The following CDCA7 variants were observed in gnomAD, a reference collection of about 807,000 sequenced individuals.
CDCA7 encodes cell division cycle-associated protein 7.
A neutral mutation model predicts 54.0 loss-of-function variants in CDCA7; 28 were observed. The ratio of observed to expected loss-of-function variants is 0.52; its 90% CI spans 0.38 to 0.71. CDCA7 has a LOEUF of 0.71. CDCA7 is among the 30% of genes least tolerant of loss of function. The probability of loss-of-function intolerance (pLI) is 0.00; values close to 1 mark genes in which losing one functional copy is unlikely to be tolerated. For missense variants in CDCA7, 484 were observed against 586.0 expected, an observed-to-expected ratio of 0.83 and a Z score of 1.80; for synonymous variants, 180 against 208.2, an observed-to-expected ratio of 0.86 and a Z score of 1.16.
Position 173,367,688 on chromosome 2 carries a change from C to A in CDCA7, c.*24C>A. On this transcript the variant is annotated 3_prime_UTR_variant, in exon 10 of 10. Coordinates refer to ENST00000306721, the MANE Select transcript of CDCA7 (RefSeq NM_031942.5). ...AATATCTGGAAAATTTGCTGCCTGC[C>A]TTCTACTTCTCAAATCTTTCTTGTA... is the stretch of plus-strand genomic sequence containing the variant. 6.2e-7 allele frequency: 1 copy of A among 1,613,258 alleles called. No homozygotes were observed.
At chr2:173,358,947 C>A in intron 2 of CDCA7, 110 bp downstream of exon 2, 1 of 1,388,988 alleles carries the variant, frequency 7.2e-7, no homozygotes, top group Non-Finnish European at 9.8e-7. Context: ...TCTATACAGC[C>A]GTTATGAAAA....
rs113853825 is a variant in CDCA7 at position 173,366,578 on chromosome 2, C to T, written c.1185+146C>T. ...TTTTTAAGATGGAGTCTCATTCTGTCGCCAGGCTGCAGTGCAGTGGCGCGA... is the reference window on the plus strand; with the variant it reads ...TTTTTAAGATGGAGTCTCATTCTGTTGCCAGGCTGCAGTGCAGTGGCGCGA... On this transcript the variant is annotated intron_variant, in intron 8 of 9. Coordinates refer to ENST00000306721, the MANE Select transcript of CDCA7 (RefSeq NM_031942.5). This position sits in a 1 kb window ranked among gnomAD's most constrained non-coding sequence, Gnocchi z 4.5. 1.3e-4 allele frequency: 142 copies of T among 1,123,700 alleles called. No individual in the cohort carries two copies. Among genetic ancestry groups the T allele is most frequent in the East Asian group, 2.0e-4 (8 of 39,354 alleles). 69.6% of individuals were successfully genotyped at this position (1,123,700 alleles called of 1,614,324 possible).
chr2:173,364,856 G>A lies in CDCA7; in HGVS notation c.761G>A (p.Arg254Gln), dbSNP rs200556185. Residue 254 changes from arginine to glutamine, a missense_variant, in exon 6 of 10, where the codon CGG becomes CAG. Physicochemically the swap from Arg to Gln is conservative, Grantham distance 43. Transcript: ENST00000306721. Reference sequence around the variant, plus strand: ...GTTGCTTCCAGGAGAAACCCTGAACGGAGAGCTCGTCCTCTTACCAGGTCA... The same window carrying A: ...GTTGCTTCCAGGAGAAACCCTGAACAGAGAGCTCGTCCTCTTACCAGGTCA... ...PGVASRRNPE[R>Q]RARPLTRSRS... 9.9e-6 allele frequency: 16 copies of A among 1,611,242 alleles called. No homozygotes were observed. In the African/African-American group the frequency reaches 1.2e-4, roughly 12 times the overall value.
chr2:173,366,288 T>A lies in CDCA7; in HGVS notation c.1041T>A (p.Ser347=). 1 of 1,612,746 alleles carries A rather than the reference T, an allele frequency of 6.2e-7. No individual in the cohort carries two copies. Among genetic ancestry groups the A allele is most frequent in the Non-Finnish European group, 8.5e-7 (1 of 1,179,410 alleles). ...REKIYNRSLG[S]TCHQCRQKTI... ...TCTTAATGGCTTATTTGTAGGGCTC[T>A]ACTTGTCATCAATGCCGTCAGAAGA... Residue 347 remains serine, a synonymous_variant, in exon 8 of 10, where the codon TCT becomes TCA. Coordinates refer to ENST00000306721, the MANE Select transcript of CDCA7 (RefSeq NM_031942.5). This position sits in a 1 kb window ranked among gnomAD's most constrained non-coding sequence, Gnocchi z 4.5.
chr2:173,367,519 G>T lies in CDCA7; in HGVS notation c.1323-115G>T. 3 of 1,378,420 alleles carry T rather than the reference G, an allele frequency of 2.2e-6. No individual in the cohort carries two copies. In the South Asian group the frequency reaches 3.5e-5, roughly 16 times the overall value. The allele number at this position is 1,378,420 out of a possible 1,614,324, so 85.4% of individuals were successfully genotyped here. ...AATATACTTGAAGATGCGCACACTTGACCATAGTGATGTTATAACTCAATA... is the reference window on the plus strand; with the variant it reads ...AATATACTTGAAGATGCGCACACTTTACCATAGTGATGTTATAACTCAATA... On this transcript the variant is annotated intron_variant, in intron 9 of 9. Coordinates refer to ENST00000306721, the MANE Select transcript of CDCA7 (RefSeq NM_031942.5).
At chr2:173,364,710 C>T in intron 5 of CDCA7, 85 bp from the exon 6 acceptor site, 5 of 1,514,492 alleles carry the variant, frequency 3.3e-6, no homozygotes, top group African/African-American at 1.4e-5. Context: ...CTTAAAACAT[C>T]CTTAAGGAGA....
Position 173,366,362 on chromosome 2 carries a change from G to C in CDCA7, c.1115G>C (p.Arg372Pro), listed in dbSNP as rs1321106398. ...NCRNPDCWGV[R>P]GQFCGPCLRN... ...AGAAACCCAGACTGCTGGGGCGTTC[G>C]AGGCCAGTTCTGTGGCCCCTGCCTT... The change falls in exon 8 of 10, where the codon CGA becomes CCA. Residue 372 changes from arginine (R) to proline (P), a missense_variant. By Grantham distance (103) the Arg-to-Pro change is moderately radical. Coordinates refer to ENST00000306721, the MANE Select transcript of CDCA7 (RefSeq NM_031942.5). The surrounding 1 kb of genome is among the most constrained non-coding windows in gnomAD (Gnocchi z 4.5). The C allele has an allele frequency of 6.2e-7, 1 of 1,613,948 alleles. No homozygotes were observed. The highest frequency in any genetic ancestry group is 8.5e-7 in the Non-Finnish European group (1 of 1,180,034).
rs543357612 is a variant in CDCA7, at chr2:173,367,981, A to G, written c.*317A>G. ...TTACAGTTTTATGAAAGCATATTTTATTTACTTGGTGTTGAAATAGCCCTC... is the reference window on the plus strand; with the variant it reads ...TTACAGTTTTATGAAAGCATATTTTGTTTACTTGGTGTTGAAATAGCCCTC... On this transcript the variant is annotated 3_prime_UTR_variant, in exon 10 of 10. Transcript: ENST00000306721. The G allele has an allele frequency of 2.5e-6, 1 of 398,498 alleles. No homozygotes were observed. The highest frequency in any genetic ancestry group is 3.9e-5 in the South Asian group (1 of 25,752). 24.7% of individuals were successfully genotyped at this position (398,498 alleles called of 1,614,324 possible). A position where few individuals can be genotyped will look rare whatever the true frequency, so the allele number is the denominator to read the frequency against.
chr2:173,365,052 C>A, intron 6 of CDCA7, 63 bp downstream of exon 6: 4 of 1,499,374 alleles, frequency 2.7e-6, no homozygotes, highest in African/African-American at 1.4e-5. Context: ...TGGCATCATA[C>A]ACAGCACAGG....
At position 173,368,708 on chromosome 2, in the gene CDCA7, T is replaced by A. The variant is rs1451880401; in HGVS notation, c.*1044T>A. 1 of 152,210 alleles carries A rather than the reference T, an allele frequency of 6.6e-6. No homozygotes were observed. Among genetic ancestry groups the A allele is most frequent in the Non-Finnish European group, 1.5e-5 (1 of 68,038 alleles). The allele number at this position is 152,210 out of a possible 1,614,324, so 9.4% of individuals were successfully genotyped here. A position where few individuals can be genotyped will look rare whatever the true frequency, so the allele number is the denominator to read the frequency against. ...TCCTGTGTCAGTATTCCCCCTCCTCTTTGCATTAATCAAGGTATTTGGTAG... is the reference window on the plus strand; with the variant it reads ...TCCTGTGTCAGTATTCCCCCTCCTCATTGCATTAATCAAGGTATTTGGTAG... On this transcript the variant is annotated 3_prime_UTR_variant, in exon 10 of 10. Coordinates refer to ENST00000306721, the MANE Select transcript of CDCA7 (RefSeq NM_031942.5).
intron 3 of CDCA7, 88 bp from the exon 4 acceptor site, chr2:173,363,138 C>G (rs1686654358): frequency 5.7e-6 from 7 of 1,236,936 alleles, no homozygotes; most frequent in Non-Finnish European, 8.2e-6. Flanking sequence ...TCATTTCATA[C>G]AAGTGTCTCA....
rs1574221539 is a variant in CDCA7, at chr2:173,366,141, C to G, written c.1036-142C>G. The G allele has an allele frequency of 4.3e-6, 4 of 934,160 alleles. No homozygotes were observed. Among genetic ancestry groups the G allele is most frequent in the East Asian group, 2.7e-5 (1 of 37,730 alleles). The allele number at this position is 934,160 out of a possible 1,614,324, so 57.9% of individuals were successfully genotyped here. ...CACCTGGTTGAGTTATTTTTCATAC[C>G]CTGGCATATACATGTGTATGTAGAG... On this transcript the variant is annotated intron_variant, in intron 7 of 9. Coordinates refer to ENST00000306721, the MANE Select transcript of CDCA7 (RefSeq NM_031942.5). The surrounding 1 kb of genome is among the most constrained non-coding windows in gnomAD (Gnocchi z 4.5).
chr2:173,364,077 C>T, intron 5 of CDCA7, 182 bp downstream of exon 5: 1 of 527,584 alleles, frequency 1.9e-6, no homozygotes, highest in South Asian at 2.9e-5. Context: ...AGTTTGGTCT[C>T]TCCTTGCTGT....
intron 1 of CDCA7, 177 bp from the exon 2 acceptor site, chr2:173,358,535 A>G: frequency 1.7e-6 from 1 of 599,512 alleles, no homozygotes; most frequent in Non-Finnish European, 2.7e-6. Flanking sequence ...GCTTCTTACA[A>G]AAAAAAGAAA....
chr2:173,367,894 C>T lies in CDCA7; in HGVS notation c.*230C>T, dbSNP rs3210728. 482,596 of 562,414 alleles carry T rather than the reference C, an allele frequency of 0.86. 207,531 individuals are homozygous for T. Among genetic ancestry groups the T allele is most frequent in the East Asian group, 0.96 (33,602 of 34,980 alleles). 34.8% of individuals were successfully genotyped at this position (562,414 alleles called of 1,614,324 possible). A position where few individuals can be genotyped will look rare whatever the true frequency, so the allele number is the denominator to read the frequency against. The stretch of plus-strand genomic sequence containing the variant: ...TTCTCTGCTCCCAACCCCCATCTCA[C>T]AGCATCCCCCTCTATTTCCAATGCT... On this transcript the variant is annotated 3_prime_UTR_variant, in exon 10 of 10. Transcript: ENST00000306721.
At chr2:173,359,614 A>C in intron 3 of CDCA7, 123 bp downstream of exon 3, 1 of 821,902 alleles carries the variant, frequency 1.2e-6, no homozygotes, top group Non-Finnish European at 1.9e-6. Context: ...TTGACCTTTT[A>C]AAAATTTTTA....
At chr2:173,361,474 C>T (rs1320149065) in intron 3 of CDCA7, among the ~76,000 whole-genome samples, 1 of 133,538 alleles carries the variant, frequency 7.5e-6, no homozygotes. Context: ...TTTTTTGAGA[C>T]AGAGTCTCAC....
At position 173,366,555 on chromosome 2, in the gene CDCA7, T is replaced by C; in HGVS notation, c.1185+123T>C. ...CTGTTATGGGGTGCTCTTCTTTTTT[T>C]TTAAGATGGAGTCTCATTCTGTCGC... On this transcript the variant is annotated intron_variant, in intron 8 of 9. Coordinates refer to ENST00000306721, the MANE Select transcript of CDCA7 (RefSeq NM_031942.5). The surrounding 1 kb of genome is among the most constrained non-coding windows in gnomAD (Gnocchi z 4.5). 3 of 1,311,198 alleles carry C rather than the reference T, an allele frequency of 2.3e-6. No individual in the cohort carries two copies. Among genetic ancestry groups the C allele is most frequent in the Non-Finnish European group, 3.1e-6 (3 of 963,492 alleles). The allele number at this position is 1,311,198 out of a possible 1,614,324, so 81.2% of individuals were successfully genotyped here.
At position 173,366,739 on chromosome 2, in the gene CDCA7, A is replaced by G. The variant is rs1018263293; in HGVS notation, c.1185+307A>G. Among the ~76,000 whole-genome samples, 2 of 152,140 alleles carry G rather than the reference A, an allele frequency of 1.3e-5. No homozygotes were observed. Among genetic ancestry groups the G allele is most frequent in the African/African-American group, 4.8e-5 (2 of 41,426 alleles). On this transcript the variant is annotated intron_variant, in intron 8 of 9. Coordinates refer to ENST00000306721, the MANE Select transcript of CDCA7 (RefSeq NM_031942.5). The surrounding 1 kb of genome is among the most constrained non-coding windows in gnomAD (Gnocchi z 4.5). ...TTTTTAGTAGAGACGGGGTTTCACCACATTGGCCAGGATGGTGTGGTGGTA... is the reference window on the plus strand; with the variant it reads ...TTTTTAGTAGAGACGGGGTTTCACCGCATTGGCCAGGATGGTGTGGTGGTA...
Sources: allele counts gnomAD v4.1 joint callset (sites outside exome capture counted in the v4.1 genomes callset), GRCh38; gene constraint gnomAD v4.1.1; non-coding constraint Gnocchi (gnomAD v3.1); transcripts MANE v1.5; gene names NCBI Gene and HGNC (gene_info 2026-07-23, HGNC 2026-07-21).